The following CCDC66 variants were observed in gnomAD, a reference collection of about 807,000 sequenced individuals.
CCDC66 encodes the protein coiled-coil domain containing 66, also known as coiled-coil domain-containing protein 66.
CCDC66 carries 133 observed loss-of-function variants against 128.3 expected under a neutral mutation model. That is an observed-to-expected ratio of 1.04 (90% CI 0.90 to 1.20). CCDC66 has a LOEUF of 1.20. CCDC66 is among the 50% of genes most tolerant of loss of function. The pLI is 0.00. For missense variants in CCDC66, 1,126 were observed against 1,075.5 expected, an observed-to-expected ratio of 1.05 and a Z score of -0.66; for synonymous variants, 387 against 357.0, an observed-to-expected ratio of 1.08 and a Z score of -0.95.
intron 7 of CCDC66, among the ~76,000 whole-genome samples, chr3:56,585,081 G>A (rs1287972729): frequency 1.4e-5 from 2 of 147,340 alleles, no homozygotes; most frequent in Admixed American, 1.4e-4. Flanking sequence ...GGGAGACAGT[G>A]GAAAGAGAGG....
At chr3:56,620,586 A>AGAT (rs1491103211) in intron 17 of CCDC66, 1 of 152,094 alleles carries the variant, frequency 6.6e-6, no homozygotes, top group East Asian at 1.9e-4. Flanking sequence ...ATGTTGACTC[A>AGAT]GATGTTTTTC....
At chr3:56,568,663 A>G (rs1042213295) in intron 6 of CCDC66, among the ~76,000 whole-genome samples, 3 of 152,234 alleles carry the variant, frequency 2.0e-5, no homozygotes, top group Non-Finnish European at 2.9e-5. Context: ...CTATGCGTTT[A>G]AGGATGGTTT....
chr3:56,603,010 AT>A (rs2073461794), intron 10 of CCDC66, among the ~76,000 whole-genome samples: 2 of 150,768 alleles, frequency 1.3e-5, no homozygotes, highest in African/African-American at 4.9e-5. Context: ...AATTTTTTGT[AT>A]TTTTTAGTAG....
intron 7 of CCDC66, among the ~76,000 whole-genome samples, chr3:56,587,386 G>C (rs571764611): frequency 6.6e-6 from 1 of 151,998 alleles, no homozygotes; most frequent in South Asian, 2.1e-4. Flanking sequence ...CAGTTTTGCA[G>C]ACTATACAGA....
At position 56,563,731 on chromosome 3, in the gene CCDC66, T is replaced by C. The variant is rs1271799068; in HGVS notation, c.150T>C (p.Thr50=). The part of the protein sequence containing the change: ...KIAKCPLRTK[T]GHILKSTQDT... ...CAAAATGTCCTTTAAGAACAAAAAC[T>C]GGGCACATTCTAAAATCAACACAAG... is the stretch of plus-strand genomic sequence containing the variant. Residue 50 remains threonine (T), a synonymous_variant, in exon 4 of 18, where the codon ACT becomes ACC. Coordinates refer to ENST00000394672, the MANE Select transcript of CCDC66 (RefSeq NM_001141947.3). 3.9e-6 allele frequency: 6 copies of C among 1,551,350 alleles called. No homozygotes were observed. The highest frequency in any genetic ancestry group is 5.2e-6 in the Non-Finnish European group (6 of 1,146,908).
intron 10 of CCDC66, among the ~76,000 whole-genome samples, chr3:56,595,909 ATGTT>A (rs796699667): frequency 6.6e-5 from 10 of 151,694 alleles, no homozygotes; most frequent in African/African-American, 1.2e-4. Context: ...GTCTTTTGGT[ATGTT>A]TGTTTGTTTG....
intron 10 of CCDC66, among the ~76,000 whole-genome samples, chr3:56,611,824 C>T (rs1193575679): frequency 2.6e-5 from 4 of 152,122 alleles, no homozygotes; most frequent in Non-Finnish European, 4.4e-5. Flanking sequence ...CAGGTAAAGT[C>T]GGGAGCTTCT....
intron 3 of CCDC66, among the ~76,000 whole-genome samples, chr3:56,561,744 A>G (rs1295492840): frequency 6.6e-6 from 1 of 151,942 alleles, no homozygotes; most frequent in Non-Finnish European, 1.5e-5. Context: ...TTTGTTTTTT[A>G]GTTTCCCAAA....
intron 10 of CCDC66, among the ~76,000 whole-genome samples, chr3:56,598,134 AGTTT>A (rs1321793332): frequency 1.2e-4 from 9 of 77,260 alleles, no homozygotes; most frequent in African/African-American, 3.1e-4. Flanking sequence ...TTTTGATTTT[AGTTT>A]GTTTTGTTTT....
chr3:56,576,557 TC>T (rs2067401189), intron 7 of CCDC66, among the ~76,000 whole-genome samples: 3 of 67,698 alleles, frequency 4.4e-5, no homozygotes, highest in Admixed American at 2.4e-4. Flanking sequence ...CCCTCCTCCC[TC>T]CCCCCACCCC....
At chr3:56,572,478 A>G in intron 7 of CCDC66, 1 of 836,326 alleles carries the variant, frequency 1.2e-6, no homozygotes, top group East Asian at 7.4e-5. Flanking sequence ...TTAGTATTTG[A>G]CCTCTAACCT....
intron 17 of CCDC66, 80 bp downstream of exon 17, chr3:56,619,981 T>TTAAG: frequency 6.8e-7 from 1 of 1,464,818 alleles, no homozygotes; most frequent in Non-Finnish European, 9.2e-7. Context: ...ACGGTTTGTT[T>TTAAG]TAAGTTACTT....
At chr3:56,589,311 A>G (rs954534190) in intron 7 of CCDC66, among the ~76,000 whole-genome samples, 3 of 152,204 alleles carry the variant, frequency 2.0e-5, no homozygotes, top group Admixed American at 2.0e-4. Flanking sequence ...TAAAAACCCA[A>G]CAAAATAAAC....
At chr3:56,570,122 C>T (rs1232932476) in intron 6 of CCDC66, 1 of 152,164 alleles carries the variant, frequency 6.6e-6, no homozygotes. Flanking sequence ...AGTTGTGAGC[C>T]ACCACACCTG....
chr3:56,611,398 G>T (rs1227973691), intron 10 of CCDC66, among the ~76,000 whole-genome samples: 1 of 151,314 alleles, frequency 6.6e-6, no homozygotes, highest in African/African-American at 2.4e-5. Flanking sequence ...CAAACCAAAG[G>T]GCCAGTCTCA....
At chr3:56,595,378 C>G (rs1282659640) in intron 10 of CCDC66, among the ~76,000 whole-genome samples, 1 of 152,130 alleles carries the variant, frequency 6.6e-6, no homozygotes, top group Non-Finnish European at 1.5e-5. Flanking sequence ...ATTAACCTAC[C>G]TCTCTTGATC....
chr3:56,564,162 T>C (rs2065476990), intron 4 of CCDC66, 37 bp downstream of exon 4: 4 of 1,492,528 alleles, frequency 2.7e-6, no homozygotes, highest in Non-Finnish European at 3.7e-6. Flanking sequence ...ATTTTGATTT[T>C]TTCAATATGT....
At chr3:56,557,488 G>A (rs538420859) in intron 1 of CCDC66, among the ~76,000 whole-genome samples, 2 of 152,278 alleles carry the variant, frequency 1.3e-5, no homozygotes, top group East Asian at 1.9e-4. Context: ...AACTGCCAGT[G>A]ATCCCCTTTC....
At chr3:56,616,659 A>C (rs912660478) in intron 13 of CCDC66, 1 of 156,828 alleles carries the variant, frequency 6.4e-6, no homozygotes, top group African/African-American at 2.4e-5. Flanking sequence ...GTTCGAGAGA[A>C]GAGTAGAATT....
Sources: allele counts gnomAD v4.1 joint callset (sites outside exome capture counted in the v4.1 genomes callset), GRCh38; gene constraint gnomAD v4.1.1; transcripts MANE v1.5; gene names NCBI Gene and HGNC (gene_info 2026-07-23, HGNC 2026-07-21).